Variants in TASP1 observed in about 807,000 individuals in gnomAD.
TASP1 encodes taspase 1.
In TASP1, 16 loss-of-function variants were observed where a neutral mutation model predicts 56.6. The observed-to-expected ratio is 0.28, with a 90% CI of 0.19 to 0.43. TASP1 has a LOEUF of 0.43. TASP1 is among the 20% of genes least tolerant of loss of function. The pLI is 1.00. For synonymous variants in TASP1, 179 were observed against 184.2 expected, an observed-to-expected ratio of 0.97 and a Z score of 0.23; for missense variants, 393 against 511.6, an observed-to-expected ratio of 0.77 and a Z score of 2.24.
At chr20:13,364,238 AG>A in the TASP1 span, among the ~76,000 whole-genome samples, 9 of 152,218 alleles carry the variant, frequency 5.9e-5, no homozygotes, top group Admixed American at 5.9e-4. Flanking sequence ...AAGAAATAAA[AG>A]TTTTTACCTT....
At chr20:13,287,256 AAGG>A in the TASP1 span, among the ~76,000 whole-genome samples, 1 of 152,200 alleles carries the variant, frequency 6.6e-6, no homozygotes, top group Non-Finnish European at 1.5e-5. Flanking sequence ...AGGAAGAGCA[AAGG>A]GACATCTTAC....
chr20:13,565,989 C>T (rs2147114696), intron 7 of TASP1, among the ~76,000 whole-genome samples: 1 of 152,252 alleles, frequency 6.6e-6, no homozygotes, highest in South Asian at 2.1e-4. Flanking sequence ...GTGGTATATA[C>T]ATACAATGAA....
chr20:13,449,452 A>G (rs929384729), intron 11 of TASP1, among the ~76,000 whole-genome samples: 30 of 152,194 alleles, frequency 2.0e-4, no homozygotes, highest in African/African-American at 2.4e-5. Context: ...GCAGAAGCAC[A>G]TAACATAGAG....
chr20:13,275,686 C>G, the TASP1 span, among the ~76,000 whole-genome samples: 2 of 152,128 alleles, frequency 1.3e-5, no homozygotes, highest in Non-Finnish European at 2.9e-5. Flanking sequence ...TGTGAGGATT[C>G]AATGAGATCA....
At chr20:13,459,536 A>T (rs954294964) in intron 11 of TASP1, among the ~76,000 whole-genome samples, 3 of 152,176 alleles carry the variant, frequency 2.0e-5, no homozygotes, top group African/African-American at 4.8e-5. Context: ...AGATAATTAC[A>T]CTACCATGCT....
At chr20:13,332,703 G>C in the TASP1 span, among the ~76,000 whole-genome samples, 3 of 152,196 alleles carry the variant, frequency 2.0e-5, no homozygotes, top group Non-Finnish European at 4.4e-5. Flanking sequence ...AGAAAATATA[G>C]ATTATCCTAC....
the TASP1 span, among the ~76,000 whole-genome samples, chr20:13,262,536 G>T: frequency 6.6e-6 from 1 of 151,682 alleles, no homozygotes; most frequent in Non-Finnish European, 1.5e-5. Context: ...ACACTTGAAA[G>T]AATAATTTAT....
intron 13 of TASP1, among the ~76,000 whole-genome samples, chr20:13,400,886 C>A (rs1409974923): frequency 6.6e-6 from 1 of 152,150 alleles, no homozygotes; most frequent in Non-Finnish European, 1.5e-5. Flanking sequence ...ACAGAACAAG[C>A]ACTCCAAGAT....
At chr20:13,413,749 T>G (rs2042165023) in intron 13 of TASP1, among the ~76,000 whole-genome samples, 3 of 152,196 alleles carry the variant, frequency 2.0e-5, no homozygotes, top group Admixed American at 2.0e-4. Flanking sequence ...AATTTAAGAA[T>G]TACACAATCG....
intron 6 of TASP1, among the ~76,000 whole-genome samples, chr20:13,575,540 T>C (rs1218319022): frequency 6.6e-6 from 1 of 152,228 alleles, no homozygotes. Context: ...CCTTTTGCCA[T>C]GATTGTGAGG....
the TASP1 span, among the ~76,000 whole-genome samples, chr20:13,111,636 G>C: frequency 1.3e-5 from 2 of 152,166 alleles, no homozygotes; most frequent in African/African-American, 4.8e-5. Context: ...CTTTTTCCCT[G>C]TGTGATTTGT....
intron 7 of TASP1, among the ~76,000 whole-genome samples, chr20:13,559,925 A>G (rs1318888294): frequency 2.0e-5 from 3 of 152,182 alleles, no homozygotes; most frequent in Non-Finnish European, 4.4e-5. Flanking sequence ...AGAAAGCATA[A>G]CCTGACCTGC....
the TASP1 span, among the ~76,000 whole-genome samples, chr20:13,217,069 T>G: frequency 6.6e-6 from 1 of 152,232 alleles, no homozygotes; most frequent in Non-Finnish European, 1.5e-5. Context: ...AAAACGTCTC[T>G]GGCTGTGACT....
intron 11 of TASP1, among the ~76,000 whole-genome samples, chr20:13,453,118 AT>A (rs1340885928): frequency 6.6e-6 from 1 of 152,114 alleles, no homozygotes; most frequent in African/African-American, 2.4e-5. Flanking sequence ...AGGGACAATA[AT>A]GTAGAGACCA....
chr20:13,424,822 T>G (rs1282134708), intron 12 of TASP1, among the ~76,000 whole-genome samples: 3 of 152,040 alleles, frequency 2.0e-5, no homozygotes, highest in Non-Finnish European at 4.4e-5. Context: ...CAGAAAACAT[T>G]AACAACACAC....
the TASP1 span, among the ~76,000 whole-genome samples, chr20:13,275,752 T>G: frequency 4.6e-5 from 7 of 152,320 alleles, no homozygotes; most frequent in East Asian, 1.3e-3. Flanking sequence ...CTAGAACGGA[T>G]AGATGCTCGT....
At chr20:13,398,864 A>AT (rs1405605076) in intron 13 of TASP1, among the ~76,000 whole-genome samples, 1 of 152,156 alleles carries the variant, frequency 6.6e-6, no homozygotes, top group Non-Finnish European at 1.5e-5. Flanking sequence ...CTTTACTTCC[A>AT]TTTACAGCAA....
intron 13 of TASP1, among the ~76,000 whole-genome samples, chr20:13,412,563 T>A (rs2042125870): frequency 6.6e-6 from 1 of 152,214 alleles, no homozygotes; most frequent in African/African-American, 2.4e-5. Flanking sequence ...CCCCCCCTTG[T>A]GTACATCATG....
the TASP1 span, among the ~76,000 whole-genome samples, chr20:13,376,761 T>C: frequency 6.6e-6 from 1 of 152,220 alleles, no homozygotes; most frequent in Non-Finnish European, 1.5e-5. Flanking sequence ...CCTTGAGCAG[T>C]GGCTTGTAGT....
Sources: allele counts gnomAD v4.1 joint callset (sites outside exome capture counted in the v4.1 genomes callset), GRCh38; gene constraint gnomAD v4.1.1; transcripts MANE v1.5; gene names NCBI Gene and HGNC (gene_info 2026-07-23, HGNC 2026-07-21).